RAPGEF6: variants seen among roughly 807,000 people sequenced by gnomAD.
RAPGEF6 encodes the protein PDZ domain containing guanine nucleotide exchange factor (GEF) 2.
RAPGEF6 carries 56 observed loss-of-function variants against 171.4 expected under a neutral mutation model. That is an observed-to-expected ratio of 0.33 (90% CI 0.26 to 0.41). The LOEUF (loss-of-function observed/expected upper bound fraction) is 0.41, where lower values mean the gene tolerates loss of function less well. RAPGEF6 is among the 10% of genes least tolerant of loss of function. The pLI is 1.00. For missense variants in RAPGEF6, 1,674 were observed against 1,921.4 expected, an observed-to-expected ratio of 0.87 and a Z score of 2.41; for synonymous variants, 692 against 650.1, an observed-to-expected ratio of 1.06 and a Z score of -0.98.
intron 6 of RAPGEF6, among the ~76,000 whole-genome samples, chr5:131,545,356 T>A (rs1452133141): frequency 6.6e-6 from 1 of 152,150 alleles, no homozygotes; most frequent in Non-Finnish European, 1.5e-5. Flanking sequence ...CTTTAATTTT[T>A]TTTACCCTTC....
intron 5 of RAPGEF6, among the ~76,000 whole-genome samples, chr5:131,553,971 G>T (rs978443358): frequency 2.1e-4 from 32 of 151,444 alleles, no homozygotes; most frequent in African/African-American, 7.0e-4. Flanking sequence ...AGGAAAAAAA[G>T]AATTTTTGAT....
At chr5:131,518,350 C>T (rs1580956530) in intron 7 of RAPGEF6, among the ~76,000 whole-genome samples, 1 of 149,868 alleles carries the variant, frequency 6.7e-6, no homozygotes, top group Non-Finnish European at 1.5e-5. Flanking sequence ...TATGCTGTTT[C>T]TATCTTTTGG....
chr5:131,523,279 CTTTTTTTTTTTTT>C (rs1171953953), intron 6 of RAPGEF6, among the ~76,000 whole-genome samples: 2 of 66,648 alleles, frequency 3.0e-5, no homozygotes, highest in Non-Finnish European at 2.8e-5. Flanking sequence ...CTGTTGTATG[CTTTTTTTTTTTTT>C]TTTTTTTTTT....
At chr5:131,523,038 A>G (rs888010431) in intron 6 of RAPGEF6, among the ~76,000 whole-genome samples, 3 of 152,200 alleles carry the variant, frequency 2.0e-5, no homozygotes, top group Non-Finnish European at 4.4e-5. Context: ...TTTTTCACAT[A>G]TACAACATCC....
At chr5:131,630,639 C>T (rs1156714617) in intron 1 of RAPGEF6, among the ~76,000 whole-genome samples, 1 of 152,194 alleles carries the variant, frequency 6.6e-6, no homozygotes, top group African/African-American at 2.4e-5. Flanking sequence ...CACACACACA[C>T]TGTGTTAGAA....
At chr5:131,568,407 T>C (rs184279100) in intron 4 of RAPGEF6, among the ~76,000 whole-genome samples, 85 of 152,208 alleles carry the variant, frequency 5.6e-4, no homozygotes, top group Middle Eastern at 3.4e-3. Context: ...CATAGCTCAC[T>C]GCAGCCTAAA....
intron 4 of RAPGEF6, among the ~76,000 whole-genome samples, chr5:131,571,847 C>T (rs1762309686): frequency 6.6e-6 from 1 of 152,200 alleles, no homozygotes; most frequent in South Asian, 2.1e-4. Flanking sequence ...TCGTGACATT[C>T]CCGCCACCAC....
chr5:131,471,683 T>C (rs1171822836), intron 17 of RAPGEF6, among the ~76,000 whole-genome samples: 1 of 152,082 alleles, frequency 6.6e-6, no homozygotes, highest in Non-Finnish European at 1.5e-5. Flanking sequence ...TTCTTCTTTG[T>C]AACAAAACTT....
At chr5:131,620,539 T>A (rs1219548707) in intron 1 of RAPGEF6, among the ~76,000 whole-genome samples, 1 of 152,240 alleles carries the variant, frequency 6.6e-6, no homozygotes. Flanking sequence ...AAATTCAGTA[T>A]TTCCCAGTGA....
chr5:131,440,692 C>T (rs998836696), intron 23 of RAPGEF6, among the ~76,000 whole-genome samples: 2 of 140,008 alleles, frequency 1.4e-5, no homozygotes, highest in South Asian at 2.2e-4. Context: ...GAGCCAAGAT[C>T]GCACCACTGC....
At position 131,494,754 on chromosome 5, in the gene RAPGEF6, G is replaced by C. The variant is rs146629085; in HGVS notation, c.1527+799C>G. ...AGAAGAGAAACTAGAACTAGGGTCAGTGAGCAGATTATAATAGATCAGATA... is the reference window on the plus strand; with the variant it reads ...AGAAGAGAAACTAGAACTAGGGTCACTGAGCAGATTATAATAGATCAGATA... On this transcript the variant is annotated intron_variant, in intron 13 of 27. Coordinates refer to ENST00000509018, the MANE Select transcript of RAPGEF6 (RefSeq NM_016340.6). 7.1e-3 allele frequency among the ~76,000 whole-genome samples: 983 copies of C among 139,362 alleles called. 8 individuals are homozygous for C. The highest frequency in any genetic ancestry group is 0.011 in the Non-Finnish European group (707 of 64,582). The allele number at this position is 139,362 out of a possible 152,430, so 91.4% of individuals were successfully genotyped here.
Position 131,467,692 on chromosome 5 carries a change from C to T in RAPGEF6, c.2240-3411G>A, listed in dbSNP as rs530462087. 3.9e-5 allele frequency among the ~76,000 whole-genome samples: 6 copies of T among 152,216 alleles called. No individual in the cohort carries two copies. In the South Asian group the frequency reaches 1.2e-3, roughly 32 times the overall value. On this transcript the variant is annotated intron_variant, in intron 17 of 27. Coordinates refer to ENST00000509018, the MANE Select transcript of RAPGEF6 (RefSeq NM_016340.6). ...AAATTTTAGGCACAAATCTAAAATG[C>T]AGACAAAAATACAGTACAATTTTAA...
intron 4 of RAPGEF6, among the ~76,000 whole-genome samples, chr5:131,564,370 G>A (rs1020822538): frequency 1.3e-5 from 2 of 152,164 alleles, no homozygotes; most frequent in Non-Finnish European, 2.9e-5. Flanking sequence ...GAGGAAAGAC[G>A]ACATAATACA....
At chr5:131,519,575 A>C (rs1312499231) in intron 7 of RAPGEF6, among the ~76,000 whole-genome samples, 2 of 151,804 alleles carry the variant, frequency 1.3e-5, no homozygotes, top group African/African-American at 4.8e-5. Flanking sequence ...CTAATTTTTG[A>C]ATTTTTCGTA....
chr5:131,430,681 G>C (rs762526251), intron 26 of RAPGEF6, 178 bp downstream of exon 26: 95 of 871,218 alleles, frequency 1.1e-4, no homozygotes, highest in Admixed American at 1.6e-4. Flanking sequence ...TTGAATAGCT[G>C]CTCCAAAGTC....
In RAPGEF6 at chr5:131,425,957, A is replaced by G. The variant is rs1751377928; in HGVS notation, c.*1309T>C. ...TTTCACTTGCTTTTACATTAAAAAAACTGAAAAAATTAAACTTAATATATA... is the reference window on the plus strand; with the variant it reads ...TTTCACTTGCTTTTACATTAAAAAAGCTGAAAAAATTAAACTTAATATATA... On this transcript the variant is annotated 3_prime_UTR_variant, in exon 28 of 28. Coordinates refer to ENST00000509018, the MANE Select transcript of RAPGEF6 (RefSeq NM_016340.6). 6.7e-6 allele frequency: 1 copy of G among 150,000 alleles called. No homozygotes were observed. The highest frequency in any genetic ancestry group is 2.1e-4 in the South Asian group (1 of 4,784). 9.3% of individuals were successfully genotyped at this position (150,000 alleles called of 1,614,324 possible).
chr5:131,531,216 C>T (rs949570772), intron 6 of RAPGEF6, among the ~76,000 whole-genome samples: 5 of 152,154 alleles, frequency 3.3e-5, no homozygotes, highest in Non-Finnish European at 7.4e-5. Flanking sequence ...GACATGATTT[C>T]AGACCATACT....
At chr5:131,627,066 G>A (rs1355348316) in intron 1 of RAPGEF6, among the ~76,000 whole-genome samples, 3 of 152,114 alleles carry the variant, frequency 2.0e-5, no homozygotes, top group Non-Finnish European at 1.5e-5. Flanking sequence ...GTAAGAAAAG[G>A]GCAAATAAAA....
Position 131,533,752 on chromosome 5 carries a change from G to GCCCA in RAPGEF6, c.496-12235_496-12232dup, listed in dbSNP as rs1231985446. Among the ~76,000 whole-genome samples, 12 of 152,022 alleles carry GCCCA rather than the reference G, an allele frequency of 7.9e-5. 1 individual carries two copies. The highest frequency in any genetic ancestry group is 7.2e-4 in the Admixed American group (11 of 15,242). ...CTACACAACATGGTACTTTCCTGTA[G>GCCCA]CCCAATGCTGAATTCCTAGAAAAAG... On this transcript the variant is annotated intron_variant, in intron 6 of 27. Coordinates refer to ENST00000509018, the MANE Select transcript of RAPGEF6 (RefSeq NM_016340.6).
Sources: gnomAD v4.1 joint callset for allele counts (sites outside exome capture counted in the v4.1 genomes callset) on GRCh38, gnomAD v4.1.1 for gene constraint, MANE v1.5 for transcripts, NCBI Gene and HGNC (gene_info 2026-07-23, HGNC 2026-07-21) for gene names.